MOG: variants seen among roughly 807,000 people sequenced by gnomAD.
MOG encodes myelin-oligodendrocyte glycoprotein.
In MOG, 20 loss-of-function variants were observed where a neutral mutation model predicts 35.9. The observed-to-expected ratio is 0.56, with a 90% CI of 0.39 to 0.81. The LOEUF (loss-of-function observed/expected upper bound fraction) is 0.81, where lower values mean the gene tolerates loss of function less well. Among genes scored for constraint, MOG ranks in the 30% least tolerant of loss-of-function variants. The probability of loss-of-function intolerance (pLI) is 0.00; values close to 1 mark genes in which losing one functional copy is unlikely to be tolerated. For synonymous variants in MOG, 92 were observed against 114.3 expected (o/e 0.80, Z 1.25); for missense variants, 251 against 301.0 (o/e 0.83, Z 1.23).
Position 29,671,257 on chromosome 6 carries a change from C to T in MOG, c.*72C>T. The T allele has an allele frequency of 6.2e-7, 1 of 1,612,190 alleles. No homozygotes were observed. Among genetic ancestry groups the T allele is most frequent in the Non-Finnish European group, 8.5e-7 (1 of 1,180,038 alleles). On this transcript the variant is annotated 3_prime_UTR_variant, in exon 8 of 8. Coordinates refer to ENST00000376917, the MANE Select transcript of MOG (RefSeq NM_206809.4). ...GGATTTGTCCTTGGGGACATCTCAT[C>T]CATCAAGTTGCACACTCACTGGCAT... is the stretch of plus-strand genomic sequence containing the variant.
chr6:29,667,715 T>A (rs766370743), intron 4 of MOG, 52 bp downstream of exon 4: 1 of 1,608,480 alleles, frequency 6.2e-7, no homozygotes, highest in East Asian at 2.2e-5. Flanking sequence ...TTTTTTGGCA[T>A]AACGGAAATG....
At chr6:29,667,998 A>G in intron 5 of MOG, 74 bp downstream of exon 5, 5 of 1,437,054 alleles carry the variant, frequency 3.5e-6, no homozygotes, top group Non-Finnish European at 4.9e-6. Flanking sequence ...CTGGGGGAAC[A>G]AGGACCCCTG....
At chr6:29,658,612 A>T (rs1767705900) in intron 1 of MOG, among the ~76,000 whole-genome samples, 1 of 152,218 alleles carries the variant, frequency 6.6e-6, no homozygotes, top group Non-Finnish European at 1.5e-5. Context: ...GCCAAGTCCT[A>T]ACAGGGAGGC....
At position 29,670,587 on chromosome 6, in the gene MOG, G is replaced by C; in HGVS notation, c.710-114G>C. 6.3e-7 allele frequency: 1 copy of C among 1,576,346 alleles called. No homozygotes were observed. Among genetic ancestry groups the C allele is most frequent in the Non-Finnish European group, 8.6e-7 (1 of 1,158,352 alleles). On this transcript the variant is annotated intron_variant, in intron 6 of 7. Coordinates refer to ENST00000376917, the MANE Select transcript of MOG (RefSeq NM_206809.4). The surrounding 1 kb of genome is among the most constrained non-coding windows in gnomAD (Gnocchi z 4.2). ...GAAGAGAACCACTTACTGGATCTGT[G>C]GGATCCCCCAGTGGAAAGGGCAGTG...
Position 29,659,779 on chromosome 6 carries a change from C to T in MOG, c.436+113C>T, listed in dbSNP as rs1307882417. The T allele has an allele frequency of 6.8e-6, 6 of 879,984 alleles. No homozygotes were observed. In the Admixed American group the frequency reaches 1.2e-4, roughly 18 times the overall value. The allele number at this position is 879,984 out of a possible 1,614,324, so 54.5% of individuals were successfully genotyped here. On this transcript the variant is annotated intron_variant, in intron 2 of 7. Transcript: ENST00000376917. ...AACATCTCAGTCCTGGGAATGATTT[C>T]CATAAAAATGTACACATCAATAAAC...
intron 5 of MOG, among the ~76,000 whole-genome samples, chr6:29,668,851 G>C (rs114502975): frequency 0.019 from 2,848 of 151,944 alleles, 43 homozygotes; most frequent in Admixed American, 0.034. Flanking sequence ...GAACACATAG[G>C]ATTGCAAAAA....
In MOG at chr6:29,672,317, TAAATAAATAAATAAATAAA is replaced by T. The variant is rs1201838441; in HGVS notation, c.*1139_*1157del. ...ATAAATAAATAAATAAATAAATAAATAAATAAATAAATAAATAAAAAATAATAATACAAGTTTTCATAAG... is the reference window on the plus strand; with the variant it reads ...ATAAATAAATAAATAAATAAATAAATAAATAATAATACAAGTTTTCATAAG... On this transcript the variant is annotated 3_prime_UTR_variant, in exon 8 of 8. Coordinates refer to ENST00000376917, the MANE Select transcript of MOG (RefSeq NM_206809.4). 31 of 266,992 alleles carry T rather than the reference TAAATAAATAAATAAATAAA, an allele frequency of 1.2e-4. No homozygotes were observed. The highest frequency in any genetic ancestry group is 1.2e-3 in the Middle Eastern group (1 of 856). 16.5% of individuals were successfully genotyped at this position (266,992 alleles called of 1,614,324 possible).
At chr6:29,657,744 G>A (rs1305667401) in intron 1 of MOG, among the ~76,000 whole-genome samples, 1 of 140,748 alleles carries the variant, frequency 7.1e-6, no homozygotes, top group Non-Finnish European at 1.5e-5. Flanking sequence ...CTCTTGACCT[G>A]CTGATCCGCC....
At chr6:29,667,968 T>C in intron 5 of MOG, 44 bp downstream of exon 5, 3 of 1,601,128 alleles carry the variant, frequency 1.9e-6, no homozygotes, top group South Asian at 1.1e-5. Flanking sequence ...AACTTGGTAT[T>C]TCACTCTAGT....
In MOG at chr6:29,670,721, C is replaced by T. The variant is rs150133803; in HGVS notation, c.730C>T (p.Arg244Ter). The T allele has an allele frequency of 4.3e-6, 7 of 1,611,984 alleles. No homozygotes were observed. The highest frequency in any genetic ancestry group is 1.3e-5 in the African/African-American group (1 of 74,838). Reference sequence around the variant, plus strand: ...TTCAGGGCAATTCCTTGAAGAGCTACGTAAGTTCTCTTCTCTCTGTTATAA... The same window carrying T: ...TTCAGGGCAATTCCTTGAAGAGCTATGTAAGTTCTCTTCTCTCTGTTATAA... Reference protein sequence around the residue: ...RLAGQFLEELRNPF With the variant: ...RLAGQFLEEL The change falls in exon 7 of 8, where the codon CGA (arginine) becomes TGA (stop). Residue 244 changes from arginine (R) to a stop codon, truncating the protein, a stop_gained and splice_region_variant. Transcript: ENST00000376917. LOFTEE classifies it high-confidence loss of function. This position sits in a 1 kb window ranked among gnomAD's most constrained non-coding sequence, Gnocchi z 4.2.
At chr6:29,664,734 A>G in intron 2 of MOG, 1 of 400,382 alleles carries the variant, frequency 2.5e-6, no homozygotes, top group Middle Eastern at 3.7e-4. Context: ...CCTCTTGAAT[A>G]GCTGAGACCA....
At chr6:29,665,638 C>T (rs779106349) in intron 2 of MOG, among the ~76,000 whole-genome samples, 3 of 151,440 alleles carry the variant, frequency 2.0e-5, no homozygotes, top group Non-Finnish European at 4.4e-5. Flanking sequence ...CTTAACATTT[C>T]TCCCTATGTT....
chr6:29,665,175 C>T (rs889012193), intron 2 of MOG, among the ~76,000 whole-genome samples: 3 of 151,700 alleles, frequency 2.0e-5, no homozygotes, highest in Admixed American at 2.0e-4. Flanking sequence ...CGGCTCACCT[C>T]AACCTCCGCC....
rs1418786722 is a variant in MOG, at chr6:29,670,283, C to A, written c.595C>A (p.Pro199Thr). ...EIENLHRTFD[P>T]HFLRVPCWKI... ...GTTTGTTCTGGTGAACAATTCAGAT[C>A]CCCACTTTCTGAGGGTGCCCTGCTG... The change falls in exon 6 of 8, where the codon CCC becomes ACC. Residue 199 changes from proline to threonine, a missense_variant and splice_region_variant. Coordinates refer to ENST00000376917, the MANE Select transcript of MOG (RefSeq NM_206809.4). This position sits in a 1 kb window ranked among gnomAD's most constrained non-coding sequence, Gnocchi z 4.2. 6.2e-7 allele frequency: 1 copy of A among 1,614,152 alleles called. No homozygotes were observed. The highest frequency in any genetic ancestry group is 1.7e-5 in the Admixed American group (1 of 60,000).
chr6:29,666,396 GA>G lies in MOG; in HGVS notation c.550+139del, dbSNP rs201351932. 30 of 626,734 alleles carry G rather than the reference GA, an allele frequency of 4.8e-5. No individual in the cohort carries two copies. The Admixed American group carries it at 6.1e-4, about 13-fold the overall frequency. 38.8% of individuals were successfully genotyped at this position (626,734 alleles called of 1,614,324 possible). ...GTTCTTCTCACTATTGAGTGATAAA[GA>G]AAAAAAATAACTCCATGATGAAAGA... On this transcript the variant is annotated intron_variant, in intron 3 of 7. Transcript: ENST00000376917.
rs1263788858 is a variant in MOG, at chr6:29,670,204, A to C, written c.593-77A>C. ...TTTGGTGTTCTAGGACCCCAGGTTA[A>C]GGAACCAAAAAAGACAGGTGGGTGG... On this transcript the variant is annotated intron_variant, in intron 5 of 7. Transcript: ENST00000376917. The surrounding 1 kb of genome is among the most constrained non-coding windows in gnomAD (Gnocchi z 4.2). 2.5e-6 allele frequency: 4 copies of C among 1,614,088 alleles called. No individual in the cohort carries two copies. The highest frequency in any genetic ancestry group is 3.4e-6 in the Non-Finnish European group (4 of 1,180,026).
rs1348870640 is a variant in MOG, at chr6:29,657,188, T to C, written c.-22T>C. ...TGGCCTGACCTTGCTGCGGGGGCTC[T>C]CTGTCCCCAGGAACAGTAGAGATGG... On this transcript the variant is annotated 5_prime_UTR_variant, in exon 1 of 8. Transcript: ENST00000376917. 6.3e-7 allele frequency: 1 copy of C among 1,576,314 alleles called. No homozygotes were observed. Among genetic ancestry groups the C allele is most frequent in the African/African-American group, 1.4e-5 (1 of 73,972 alleles).
intron 2 of MOG, among the ~76,000 whole-genome samples, chr6:29,665,690 A>G (rs916452624): frequency 2.0e-5 from 3 of 151,922 alleles, no homozygotes; most frequent in Non-Finnish European, 4.4e-5. Flanking sequence ...GTCACTTCTC[A>G]GCTTGGAATC....
chr6:29,670,241 G>A lies in MOG; in HGVS notation c.593-40G>A, dbSNP rs780455550. 1.9e-6 allele frequency: 3 copies of A among 1,614,186 alleles called. No individual in the cohort carries two copies. The highest frequency in any genetic ancestry group is 1.7e-5 in the Admixed American group (1 of 60,016). ...AGACAGGTGGGTGGGGCATGAGGGG[G>A]AACACATGTTAACCCTGTTTGTTCT... On this transcript the variant is annotated intron_variant, in intron 5 of 7. Coordinates refer to ENST00000376917, the MANE Select transcript of MOG (RefSeq NM_206809.4). The surrounding 1 kb of genome is among the most constrained non-coding windows in gnomAD (Gnocchi z 4.2).
Sources: gnomAD v4.1 joint callset for allele counts (sites outside exome capture counted in the v4.1 genomes callset) on GRCh38, gnomAD v4.1.1 for gene constraint, Gnocchi (gnomAD v3.1) non-coding constraint, MANE v1.5 for transcripts, NCBI Gene and HGNC (gene_info 2026-07-23, HGNC 2026-07-21) for gene names.